Variants in SREK1IP1 observed in about 807,000 individuals in gnomAD.
SREK1IP1 encodes the protein SREK1 interacting protein 1.
SREK1IP1 carries 12 observed loss-of-function variants against 22.8 expected under a neutral mutation model. The observed-to-expected ratio is 0.53, with a 90% CI of 0.34 to 0.85. SREK1IP1 has a LOEUF of 0.85. Ranked by LOEUF, SREK1IP1 falls within the 40% of genes least tolerant of loss-of-function variation. SREK1IP1 has a pLI of 0.02. For synonymous variants in SREK1IP1, 53 were observed against 52.7 expected, an observed-to-expected ratio of 1.01 and a Z score of -0.02; for missense variants, 147 against 171.8, an observed-to-expected ratio of 0.86 and a Z score of 0.81.
intron 4 of SREK1IP1, chr5:64,727,807 C>G (rs181964895): frequency 5.7e-6 from 1 of 175,248 alleles, no homozygotes; most frequent in East Asian, 1.8e-4. Context: ...CTTGACCTCT[C>G]AAAGTGCTGG....
At position 64,723,076 on chromosome 5, in the gene SREK1IP1, T is replaced by C. The variant is rs758019395; in HGVS notation, c.*1308A>G. ...ATGACATTGGTTGATGTTCGATGCT[T>C]CTACAACATAAGCATTTACTTTAGT... On this transcript the variant is annotated 3_prime_UTR_variant, in exon 5 of 5. Transcript: ENST00000513458. 6.6e-6 allele frequency: 1 copy of C among 152,212 alleles called. No individual in the cohort carries two copies. Among genetic ancestry groups the C allele is most frequent in the African/African-American group, 2.4e-5 (1 of 41,456 alleles). 9.4% of individuals were successfully genotyped at this position (152,212 alleles called of 1,614,324 possible).
chr5:64,728,184 G>T lies in SREK1IP1; in HGVS notation c.206-5C>A. 2.2e-6 allele frequency: 3 copies of T among 1,382,940 alleles called. No homozygotes were observed. The highest frequency in any genetic ancestry group is 2.8e-5 in the Admixed American group (1 of 36,108). The allele number at this position is 1,382,940 out of a possible 1,614,324, so 85.7% of individuals were successfully genotyped here. A position where few individuals can be genotyped will look rare whatever the true frequency, so the allele number is the denominator to read the frequency against. On this transcript the variant is annotated splice_region_variant and splice_polypyrimidine_tract_variant and intron_variant, in intron 3 of 4. Transcript: ENST00000513458. ...TTTCCTCTTCTTCATTTATTCCTGT[G>T]GGGGAGAGGTGAGAAGAAAAAAATC...
intron 2 of SREK1IP1, among the ~76,000 whole-genome samples, chr5:64,752,183 G>A (rs1375087128): frequency 8.7e-6 from 1 of 115,220 alleles, no homozygotes; most frequent in Non-Finnish European, 1.6e-5. Context: ...ATGGAGTCTC[G>A]CTCCATCGCC....
intron 1 of SREK1IP1, among the ~76,000 whole-genome samples, chr5:64,755,677 T>C (rs575259675): frequency 2.0e-5 from 3 of 152,042 alleles, no homozygotes; most frequent in Admixed American, 1.3e-4. Context: ...AACTTGCACA[T>C]GTATCCACTC....
In SREK1IP1 at chr5:64,724,266, G is replaced by T; in HGVS notation, c.*118C>A. 1 of 879,906 alleles carries T rather than the reference G, an allele frequency of 1.1e-6. No homozygotes were observed. Among genetic ancestry groups the T allele is most frequent in the Non-Finnish European group, 1.7e-6 (1 of 588,922 alleles). 54.5% of individuals were successfully genotyped at this position (879,906 alleles called of 1,614,324 possible). A position where few individuals can be genotyped will look rare whatever the true frequency, so the allele number is the denominator to read the frequency against. On this transcript the variant is annotated 3_prime_UTR_variant, in exon 5 of 5. Coordinates refer to ENST00000513458, the MANE Select transcript of SREK1IP1 (RefSeq NM_173829.4). ...GATAATGGTCCCAAATACGAAAAAT[G>T]TCTATATGGAAAAGGCTGTGATTTA...
At chr5:64,764,646 A>G (rs1303133516) in intron 1 of SREK1IP1, among the ~76,000 whole-genome samples, 1 of 152,208 alleles carries the variant, frequency 6.6e-6, no homozygotes, top group Non-Finnish European at 1.5e-5. Flanking sequence ...CTTCAACTCC[A>G]TTATGGAGAC....
intron 3 of SREK1IP1, among the ~76,000 whole-genome samples, chr5:64,738,963 G>A (rs960446349): frequency 6.6e-6 from 1 of 152,006 alleles, no homozygotes; most frequent in African/African-American, 2.4e-5. Flanking sequence ...TAGCTTTCAG[G>A]ACTGCTTTAG....
At chr5:64,756,084 T>C (rs1742836037) in intron 1 of SREK1IP1, among the ~76,000 whole-genome samples, 2 of 152,154 alleles carry the variant, frequency 1.3e-5, no homozygotes, top group Non-Finnish European at 1.5e-5. Context: ...CCTGTATAAT[T>C]AGTAGTACAT....
chr5:64,736,603 A>G (rs561183287), intron 3 of SREK1IP1, among the ~76,000 whole-genome samples: 2 of 152,076 alleles, frequency 1.3e-5, no homozygotes, highest in East Asian at 1.9e-4. Flanking sequence ...CTGATGTTAC[A>G]GGCATGCGCC....
At chr5:64,750,614 G>A (rs1742725478) in intron 2 of SREK1IP1, among the ~76,000 whole-genome samples, 1 of 152,058 alleles carries the variant, frequency 6.6e-6, no homozygotes, top group African/African-American at 2.4e-5. Context: ...ACTGGTACCT[G>A]TCTCAAAACA....
At chr5:64,762,603 G>A (rs1023149866) in intron 1 of SREK1IP1, among the ~76,000 whole-genome samples, 7 of 152,000 alleles carry the variant, frequency 4.6e-5, no homozygotes, top group Admixed American at 1.3e-4. Flanking sequence ...CCCAAATACT[G>A]TACTAAAGTC....
chr5:64,731,521 C>CAAAAAAAAA (rs10599290), intron 3 of SREK1IP1, among the ~76,000 whole-genome samples: 163 of 74,640 alleles, frequency 2.2e-3, no homozygotes, highest in African/African-American at 6.3e-3. Flanking sequence ...GCCCTTGTCT[C>CAAAAAAAAA]AAAAAAAAAA....
At chr5:64,760,650 C>A (rs1417665182) in intron 1 of SREK1IP1, among the ~76,000 whole-genome samples, 2 of 152,212 alleles carry the variant, frequency 1.3e-5, no homozygotes, top group Admixed American at 6.5e-5. Flanking sequence ...AACTCTCCCA[C>A]CCTGAATCTT....
chr5:64,752,533 C>T, intron 2 of SREK1IP1, among the ~76,000 whole-genome samples: 1 of 152,152 alleles, frequency 6.6e-6, no homozygotes, highest in African/African-American at 2.4e-5. Flanking sequence ...TATATTCAAA[C>T]TTAACTCAAA....
chr5:64,751,455 A>G (rs933900159), intron 2 of SREK1IP1, among the ~76,000 whole-genome samples: 1 of 152,254 alleles, frequency 6.6e-6, no homozygotes, highest in Admixed American at 6.5e-5. Flanking sequence ...TTTAAAAAGC[A>G]ATTGACAAAT....
chr5:64,729,479 C>T (rs1054362223), intron 3 of SREK1IP1, among the ~76,000 whole-genome samples: 2 of 152,034 alleles, frequency 1.3e-5, no homozygotes, highest in Admixed American at 6.5e-5. Flanking sequence ...AACAGATGAA[C>T]AATATCATAA....
chr5:64,746,275 T>C (rs988012604), intron 2 of SREK1IP1, among the ~76,000 whole-genome samples: 2 of 152,212 alleles, frequency 1.3e-5, no homozygotes, highest in Non-Finnish European at 2.9e-5. Flanking sequence ...GAAGAAAGCA[T>C]AGGAGTAAAT....
intron 1 of SREK1IP1, among the ~76,000 whole-genome samples, chr5:64,755,489 T>C (rs1742822284): frequency 6.6e-6 from 1 of 152,118 alleles, no homozygotes; most frequent in African/African-American, 2.4e-5. Context: ...TTCTCATTTA[T>C]AAGTGGGAGC....
intron 3 of SREK1IP1, among the ~76,000 whole-genome samples, 153 bp from the exon 4 acceptor site, chr5:64,728,332 T>A (rs1440036438): frequency 6.6e-6 from 1 of 152,122 alleles, no homozygotes; most frequent in Admixed American, 6.5e-5. Context: ...ATTATCTTTA[T>A]CCATTAAAAA....
Sources: allele counts gnomAD v4.1 joint callset (sites outside exome capture counted in the v4.1 genomes callset), GRCh38; gene constraint gnomAD v4.1.1; transcripts MANE v1.5; gene names NCBI Gene and HGNC (gene_info 2026-07-23, HGNC 2026-07-21).